Variants in SLC16A7 observed in about 807,000 individuals in gnomAD.
SLC16A7 encodes the protein solute carrier family 16 member 7.
In SLC16A7, 33 loss-of-function variants were observed where a neutral mutation model predicts 34.9. The ratio of observed to expected loss-of-function variants is 0.94; its 90% CI spans 0.72 to 1.26. SLC16A7 has a LOEUF of 1.26. SLC16A7 is among the 50% of genes most tolerant of loss of function. The pLI, the probability that SLC16A7 is intolerant of heterozygous loss-of-function variation, is 0.00. For synonymous variants in SLC16A7, 201 were observed against 206.6 expected (o/e 0.97, Z 0.23); for missense variants, 573 against 578.1 (o/e 0.99, Z 0.09).
intron 3 of SLC16A7, among the ~76,000 whole-genome samples, chr12:59,709,369 G>T (rs1445081383): frequency 6.6e-6 from 1 of 151,618 alleles, no homozygotes; most frequent in Non-Finnish European, 1.5e-5. Context: ...TTTACATGGG[G>T]ATTGAACATT....
intron 3 of SLC16A7, among the ~76,000 whole-genome samples, chr12:59,765,106 GT>G (rs1335929590): frequency 6.6e-6 from 1 of 152,132 alleles, no homozygotes; most frequent in Non-Finnish European, 1.5e-5. Context: ...TTTTTCATGT[GT>G]TTTTTGGCTG....
intron 2 of SLC16A7, among the ~76,000 whole-genome samples, chr12:59,683,442 C>A (rs139964238): frequency 6.6e-6 from 1 of 152,010 alleles, no homozygotes; most frequent in Non-Finnish European, 1.5e-5. Flanking sequence ...TAAAGTTGTC[C>A]ATGTGTGAGG....
rs1873964605 is a variant in SLC16A7 at position 59,709,430 on chromosome 12, T to C, written c.217+4412T>C. ...GGCCGAGAAGCAAAAGGCTTTAACA[T>C]AGCAGGTTGGTGGTCATAATGTACA... is the stretch of plus-strand genomic sequence containing the variant. On this transcript the variant is annotated intron_variant, in intron 3 of 5. Transcript: ENST00000547379. Among the ~76,000 whole-genome samples the C allele has an allele frequency of 2.0e-5, 3 of 151,650 alleles. 1 individual carries two copies. The highest frequency in any genetic ancestry group is 7.3e-5 in the African/African-American group (3 of 40,958).
chr12:59,779,706 T>C lies in SLC16A7; in HGVS notation c.*27T>C, dbSNP rs1423580818. The C allele has an allele frequency of 6.4e-7, 1 of 1,560,168 alleles. No individual in the cohort carries two copies. The highest frequency in any genetic ancestry group is 8.7e-7 in the Non-Finnish European group (1 of 1,146,938). ...AAGAATCACATCTCTGATTTCAGTG[T>C]TTATGACTTTATCTAGGAGTTTGTT... On this transcript the variant is annotated 3_prime_UTR_variant, in exon 6 of 6. Transcript: ENST00000547379.
At chr12:59,699,837 A>C (rs548179587) in intron 2 of SLC16A7, among the ~76,000 whole-genome samples, 4 of 151,816 alleles carry the variant, frequency 2.6e-5, no homozygotes, top group African/African-American at 9.7e-5. Flanking sequence ...TTACATTCCC[A>C]GCTGAAGTCA....
At chr12:59,728,115 G>A (rs77918872) in intron 3 of SLC16A7, among the ~76,000 whole-genome samples, 1,826 of 152,212 alleles carry the variant, frequency 0.012, 18 homozygotes, top group Middle Eastern at 0.054. Context: ...AAAACATACA[G>A]TAAAAAGGCA....
intron 1 of SLC16A7, among the ~76,000 whole-genome samples, chr12:59,629,609 TA>T (rs1880087485): frequency 6.6e-6 from 1 of 152,010 alleles, no homozygotes; most frequent in Admixed American, 6.6e-5. Context: ...GCCATTGCTA[TA>T]AAAGCCTTCC....
At chr12:59,613,697 AGAT>A (rs764509075) in intron 1 of SLC16A7, among the ~76,000 whole-genome samples, 5 of 152,284 alleles carry the variant, frequency 3.3e-5, no homozygotes, top group Non-Finnish European at 5.9e-5. Flanking sequence ...TATAGGAGAG[AGAT>A]GATGAAGAAA....
At chr12:59,652,484 A>G (rs546926855) in intron 1 of SLC16A7, among the ~76,000 whole-genome samples, 1 of 152,056 alleles carries the variant, frequency 6.6e-6, no homozygotes, top group South Asian at 2.1e-4. Flanking sequence ...CACCCAGAGT[A>G]TTCTATTAAA....
intron 3 of SLC16A7, among the ~76,000 whole-genome samples, chr12:59,764,541 T>G (rs1249015476): frequency 6.8e-6 from 1 of 147,428 alleles, no homozygotes; most frequent in Non-Finnish European, 1.5e-5. Context: ...GTCCATGTGT[T>G]CTCATTGTTC....
chr12:59,769,664 A>G (rs1183645178), intron 3 of SLC16A7, among the ~76,000 whole-genome samples: 1 of 152,084 alleles, frequency 6.6e-6, no homozygotes, highest in Non-Finnish European at 1.5e-5. Context: ...GTTTAATTTT[A>G]AATTTTTTTG....
intron 2 of SLC16A7, among the ~76,000 whole-genome samples, chr12:59,666,494 G>A (rs78123597): frequency 0.011 from 1,614 of 152,178 alleles, 21 homozygotes; most frequent in African/African-American, 0.036. Context: ...TTGAATTGTC[G>A]TTTCCATAAT....
intron 2 of SLC16A7, among the ~76,000 whole-genome samples, chr12:59,667,588 G>A (rs1869308050): frequency 1.3e-5 from 2 of 152,202 alleles, no homozygotes; most frequent in African/African-American, 2.4e-5. Context: ...AAAGTTCTAA[G>A]TGCCAAAGTG....
At position 59,596,754 on chromosome 12, in the gene SLC16A7, T is replaced by A. The variant is rs1227015747; in HGVS notation, c.-130+518T>A. On this transcript the variant is annotated intron_variant, in intron 1 of 5. Coordinates refer to ENST00000547379, the MANE Select transcript of SLC16A7 (RefSeq NM_001270623.2). The surrounding 1 kb of genome is among the most constrained non-coding windows in gnomAD (Gnocchi z 5.0). ...GGTGGAGTGTGTGGAGAGAACGTCTTCTCTTTGAGCAGATGATCAGGACAG... is the reference window on the plus strand; with the variant it reads ...GGTGGAGTGTGTGGAGAGAACGTCTACTCTTTGAGCAGATGATCAGGACAG... Among the ~76,000 whole-genome samples the A allele has an allele frequency of 6.6e-6, 1 of 152,052 alleles. No homozygotes were observed. Among genetic ancestry groups the A allele is most frequent in the Admixed American group, 6.5e-5 (1 of 15,280 alleles).
intron 1 of SLC16A7, among the ~76,000 whole-genome samples, chr12:59,622,462 ATG>A (rs1318968902): frequency 6.6e-6 from 1 of 151,812 alleles, no homozygotes; most frequent in Non-Finnish European, 1.5e-5. Flanking sequence ...ATTGTTTTAT[ATG>A]TGTTATATAT....
chr12:59,643,912 A>G (rs997175391), intron 1 of SLC16A7, among the ~76,000 whole-genome samples: 1 of 152,206 alleles, frequency 6.6e-6, no homozygotes, highest in African/African-American at 2.4e-5. Flanking sequence ...AAACTATTTC[A>G]TCAATGACCT....
intron 3 of SLC16A7, among the ~76,000 whole-genome samples, chr12:59,751,744 A>G (rs148549091): frequency 0.045 from 6,847 of 152,316 alleles, 493 homozygotes; most frequent in African/African-American, 0.16. Flanking sequence ...ACAGCTTTGA[A>G]GAGAGCAGTG....
At chr12:59,739,940 A>G (rs1182565566) in intron 3 of SLC16A7, among the ~76,000 whole-genome samples, 4 of 152,100 alleles carry the variant, frequency 2.6e-5, no homozygotes, top group African/African-American at 4.8e-5. Context: ...GATTCTGGAT[A>G]TTAGCCCTTT....
chr12:59,671,052 G>A lies in SLC16A7; in HGVS notation c.-31+15802G>A, dbSNP rs146896454. 3.7e-3 allele frequency among the ~76,000 whole-genome samples: 556 copies of A among 152,226 alleles called. 3 individuals are homozygous for A. The highest frequency in any genetic ancestry group is 0.01 in the Middle Eastern group (3 of 294). On this transcript the variant is annotated intron_variant, in intron 2 of 5. Transcript: ENST00000547379. ...TCAGCCTCTTGTGCAATTCATGAAGGTCCAAGCCATCAGACAAGAGGGTCC... is the reference window on the plus strand; with the variant it reads ...TCAGCCTCTTGTGCAATTCATGAAGATCCAAGCCATCAGACAAGAGGGTCC...
Sources: gnomAD v4.1 joint callset for allele counts (sites outside exome capture counted in the v4.1 genomes callset) on GRCh38, gnomAD v4.1.1 for gene constraint, Gnocchi (gnomAD v3.1) non-coding constraint, MANE v1.5 for transcripts, NCBI Gene and HGNC (gene_info 2026-07-23, HGNC 2026-07-21) for gene names.